The following GPHN variants were observed in gnomAD, a reference collection of about 807,000 sequenced individuals.
The protein encoded by GPHN is gephyrin.
A neutral mutation model predicts 95.5 loss-of-function variants in GPHN; 17 were observed. The observed-to-expected ratio is 0.18, with a 90% CI of 0.12 to 0.27. The LOEUF (loss-of-function observed/expected upper bound fraction) is 0.27, where lower values mean the gene tolerates loss of function less well. GPHN is among the 10% of genes least tolerant of loss of function. GPHN has a pLI of 1.00. For missense variants in GPHN, 660 were observed against 978.1 expected (o/e 0.67, Z 4.34); for synonymous variants, 320 against 322.5 (o/e 0.99, Z 0.08).
intron 1 of GPHN, among the ~76,000 whole-genome samples, chr14:66,633,258 C>T (rs949288206): frequency 4.7e-5 from 6 of 128,464 alleles, no homozygotes; most frequent in Non-Finnish European, 9.0e-5. Flanking sequence ...TATGTATGTA[C>T]TTCAATTTCT....
chr14:66,717,157 T>A (rs961043855), intron 2 of GPHN, among the ~76,000 whole-genome samples: 1 of 152,216 alleles, frequency 6.6e-6, no homozygotes. Context: ...TCGTTGAGCA[T>A]AATCCCAGAC....
intron 10 of GPHN, among the ~76,000 whole-genome samples, chr14:67,040,382 C>T (rs1184348269): frequency 2.6e-5 from 4 of 151,986 alleles, no homozygotes; most frequent in Non-Finnish European, 5.9e-5. Context: ...ATGTGTATTT[C>T]CTTCCAAAAA....
chr14:66,603,779 T>C (rs1053932194), intron 1 of GPHN, among the ~76,000 whole-genome samples: 1 of 152,032 alleles, frequency 6.6e-6, no homozygotes, highest in African/African-American at 2.4e-5. Flanking sequence ...TTTTTTATTC[T>C]ATTTCTACAT....
chr14:67,331,375 A>G, the GPHN span, among the ~76,000 whole-genome samples: 1 of 152,046 alleles, frequency 6.6e-6, no homozygotes, highest in Non-Finnish European at 1.5e-5. Context: ...TTTATTACTC[A>G]ATGATAGAAG....
chr14:67,048,784 T>G (rs990307335), intron 10 of GPHN, among the ~76,000 whole-genome samples: 2 of 152,384 alleles, frequency 1.3e-5, no homozygotes, highest in Admixed American at 1.3e-4. Context: ...TTGAATGCTA[T>G]GATCTTCTCA....
At chr14:67,439,664 T>C in the GPHN span, among the ~76,000 whole-genome samples, 1 of 151,932 alleles carries the variant, frequency 6.6e-6, no homozygotes, top group Non-Finnish European at 1.5e-5. Context: ...CTCAGAGCAG[T>C]ACCTGTCTAC....
chr14:67,175,387 T>C (rs957945491), intron 21 of GPHN, among the ~76,000 whole-genome samples: 1 of 152,202 alleles, frequency 6.6e-6, no homozygotes, highest in South Asian at 2.1e-4. Context: ...CAGATGGTTG[T>C]AGATGTGTGG....
intron 1 of GPHN, among the ~76,000 whole-genome samples, chr14:66,533,940 G>A (rs371514527): frequency 3.3e-5 from 5 of 152,184 alleles, no homozygotes; most frequent in African/African-American, 9.6e-5. Context: ...CACTCTAGTA[G>A]GTAAAGAAAC....
At chr14:67,692,790 G>A in the GPHN span, 27 of 868,518 alleles carry the variant, frequency 3.1e-5, no homozygotes, top group Non-Finnish European at 4.7e-5. Flanking sequence ...GTAGAGCATA[G>A]TACTAGTTTC....
intron 5 of GPHN, among the ~76,000 whole-genome samples, chr14:66,883,857 C>T (rs530244183): frequency 6.6e-6 from 1 of 152,028 alleles, no homozygotes; most frequent in African/African-American, 2.4e-5. Context: ...TATACTGTCC[C>T]ACGTATTCAC....
chr14:67,703,118 C>T, the GPHN span, among the ~76,000 whole-genome samples: 28 of 152,118 alleles, frequency 1.8e-4, no homozygotes, highest in African/African-American at 6.3e-4. Flanking sequence ...CCTCATCTGG[C>T]CCTTATAGTT....
chr14:66,616,666 C>T (rs1436233711), intron 1 of GPHN, among the ~76,000 whole-genome samples: 1 of 152,072 alleles, frequency 6.6e-6, no homozygotes. Flanking sequence ...TGTCTGACAA[C>T]CCCTGTTGGA....
the GPHN span, among the ~76,000 whole-genome samples, chr14:67,299,668 G>T: frequency 6.6e-6 from 1 of 152,192 alleles, no homozygotes; most frequent in African/African-American, 2.4e-5. Flanking sequence ...AGTAGCTGAT[G>T]ATATGTGTTG....
the GPHN span, chr14:67,381,760 T>A: frequency 8.5e-7 from 1 of 1,176,184 alleles, no homozygotes; most frequent in Admixed American, 2.3e-5. Flanking sequence ...TGATCTTTGT[T>A]TCTTTTTTTT....
the GPHN span, among the ~76,000 whole-genome samples, chr14:67,285,427 C>T: frequency 5.0e-4 from 73 of 144,892 alleles, no homozygotes; most frequent in African/African-American, 1.8e-3. Flanking sequence ...AGTGCAGTGG[C>T]GCGATCTCGG....
rs2062644712 is a variant in GPHN at position 66,608,526 on chromosome 14, T to C, written c.65-72581T>C. On this transcript the variant is annotated intron_variant, in intron 1 of 22. Transcript: ENST00000478722. ...CCATTGGTGGACTGTCAAGATTAAGTCTGGAATTTCTTTGTTAGTTTTCTT... is the reference window on the plus strand; with the variant it reads ...CCATTGGTGGACTGTCAAGATTAAGCCTGGAATTTCTTTGTTAGTTTTCTT... Among the ~76,000 whole-genome samples the C allele has an allele frequency of 2.0e-5, 3 of 152,254 alleles. No individual in the cohort carries two copies. The South Asian group carries it at 6.2e-4, about 32-fold the overall frequency.
intron 3 of GPHN, among the ~76,000 whole-genome samples, chr14:66,814,537 G>A (rs2060890076): frequency 6.6e-6 from 1 of 152,222 alleles, no homozygotes; most frequent in South Asian, 2.1e-4. Flanking sequence ...GGAGTTGGGA[G>A]CTGAGCATTG....
At chr14:67,535,223 G>A in the GPHN span, among the ~76,000 whole-genome samples, 2 of 152,128 alleles carry the variant, frequency 1.3e-5, no homozygotes, top group Admixed American at 6.6e-5. Flanking sequence ...AGTGGTTGCC[G>A]CTGGGGAGAA....
chr14:66,730,864 T>C (rs1490231075), intron 2 of GPHN, among the ~76,000 whole-genome samples: 5 of 152,238 alleles, frequency 3.3e-5, no homozygotes. Context: ...TCTGTGCCCC[T>C]ACCTAAATCT....
Sources: gnomAD v4.1 joint callset for allele counts (sites outside exome capture counted in the v4.1 genomes callset) on GRCh38, gnomAD v4.1.1 for gene constraint, MANE v1.5 for transcripts, NCBI Gene and HGNC (gene_info 2026-07-23, HGNC 2026-07-21) for gene names.